The following EIF2S3B variants were observed in gnomAD, a reference collection of about 807,000 sequenced individuals.
EIF2S3B encodes the protein eukaryotic translation initiation factor 2 subunit 3B.
Under a neutral mutation model 26.4 loss-of-function variants are expected in EIF2S3B, and 16 were observed. The ratio of observed to expected loss-of-function variants is 0.61; its 90% CI spans 0.41 to 0.92. The LOEUF (loss-of-function observed/expected upper bound fraction) is 0.92. Ranked by LOEUF, EIF2S3B falls within the 40% of genes least tolerant of loss-of-function variation. The pLI, the probability that EIF2S3B is intolerant of heterozygous loss-of-function variation, is 0.00. For missense variants in EIF2S3B, 510 were observed against 575.5 expected (o/e 0.89, Z 1.16); for synonymous variants, 183 against 204.4 (o/e 0.90, Z 0.89).
At chr12:10,522,545 G>T in intron 1 of EIF2S3B, 2 of 624,044 alleles carry the variant, frequency 3.2e-6, no homozygotes, top group South Asian at 1.9e-5. Flanking sequence ...AAATAGATTT[G>T]AGTTATTGCA....
At chr12:10,517,681 T>C (rs1226769104) in intron 1 of EIF2S3B, among the ~76,000 whole-genome samples, 1 of 152,096 alleles carries the variant, frequency 6.6e-6, no homozygotes, top group East Asian at 1.9e-4. Context: ...CTTGCTTTTC[T>C]AGTTCTTTTA....
Position 10,507,206 on chromosome 12 carries a change from C to T in EIF2S3B, c.1304C>T (p.Thr435Ile). ...GKIVLTNPVC[T>I]EVGEKIALSR... ...ATTGTTTTGACCAATCCAGTGTGCA[C>T]AGAGGTAGGAGAAAAAATTGCCCTT... The change falls in exon 1 of 1, where the codon ACA becomes ATA. Residue 435 changes from threonine to isoleucine, a missense_variant. Thr to Ile is a moderately conservative substitution (Grantham distance 89). Transcript: ENST00000538173. 1.2e-6 allele frequency: 2 copies of T among 1,613,868 alleles called. No individual in the cohort carries two copies. Among genetic ancestry groups the T allele is most frequent in the African/African-American group, 1.3e-5 (1 of 75,010 alleles).
chr12:10,520,505 TATAATA>T (rs146640802), intron 1 of EIF2S3B, among the ~76,000 whole-genome samples: 4 of 151,562 alleles, frequency 2.6e-5, no homozygotes, highest in African/African-American at 9.7e-5. Flanking sequence ...AAACTTAAAG[TATAATA>T]ATAATAAAAT....
chr12:10,506,563 A>C lies in EIF2S3B; in HGVS notation c.661A>C (p.Ile221Leu). The C allele has an allele frequency of 6.3e-7, 1 of 1,594,620 alleles. No individual in the cohort carries two copies. Among genetic ancestry groups the C allele is most frequent in the Non-Finnish European group, 8.6e-7 (1 of 1,162,214 alleles). Reference sequence around the variant, plus strand: ...AGGTACAGTAGCAGAGGGAGCTCCCATTATTCCAATTTCGGCTCAGCTGAA... The same window carrying C: ...AGGTACAGTAGCAGAGGGAGCTCCCCTTATTCCAATTTCGGCTCAGCTGAA... ...VQGTVAEGAP[I>L]IPISAQLKYN... Residue 221 changes from isoleucine to leucine, a missense_variant, in exon 1 of 1, where the codon ATT becomes CTT. Physicochemically the swap from Ile to Leu is conservative, Grantham distance 5 (BLOSUM62 2). Transcript: ENST00000538173.
chr12:10,506,100 C>T lies in EIF2S3B; in HGVS notation c.198C>T (p.Thr66=), dbSNP rs767928717. 98 of 1,593,272 alleles carry T rather than the reference C, an allele frequency of 6.2e-5. No individual in the cohort carries two copies. Among genetic ancestry groups the T allele is most frequent in the Admixed American group, 5.7e-4 (34 of 59,956 alleles). Residue 66 remains threonine (T), a synonymous_variant, in exon 1 of 1, where the codon ACC becomes ACT. Coordinates refer to ENST00000538173, the MANE Select transcript of EIF2S3B (RefSeq NM_001357734.3). ...TVVKAISGVH[T]VRFKNELERN... The stretch of plus-strand genomic sequence containing the variant: ...TCAAAGCTATTTCTGGAGTTCACAC[C>T]GTCAGGTTCAAAAATGAACTAGAAA...
chr12:10,519,641 A>G (rs2137956219), intron 1 of EIF2S3B, among the ~76,000 whole-genome samples: 1 of 152,330 alleles, frequency 6.6e-6, no homozygotes, highest in South Asian at 2.1e-4. Flanking sequence ...AGAATCTACA[A>G]TGAACTCAAA....
At chr12:10,512,713 T>A (rs1012762331), downstream of EIF2S3B, among the ~76,000 whole-genome samples, 1 of 152,056 alleles carries the variant, frequency 6.6e-6, no homozygotes, top group Non-Finnish European at 1.5e-5. Flanking sequence ...CACCCCCTGT[T>A]ATGTCCTAAA....
intron 1 of EIF2S3B, among the ~76,000 whole-genome samples, chr12:10,520,262 A>G (rs1397392150): frequency 6.6e-6 from 1 of 151,312 alleles, no homozygotes; most frequent in Non-Finnish European, 1.5e-5. Flanking sequence ...TCACAAGGAC[A>G]AAAAACCAAA....
rs937399016 is a variant in EIF2S3B at position 10,522,717 on chromosome 12, G to A, written c.*22G>A. 7.3e-6 allele frequency: 5 copies of A among 681,690 alleles called. No homozygotes were observed. The Admixed American group carries it at 8.5e-5, about 12-fold the overall frequency. 42.2% of individuals were successfully genotyped at this position (681,690 alleles called of 1,614,324 possible). ...CTAGGAAATCATTTCTTTCTTTAAA[G>A]AAAAAAGACAAAAGAAAACATGATC... is the stretch of plus-strand genomic sequence containing the variant. On this transcript the variant is annotated 3_prime_UTR_variant, in exon 2 of 2. Transcript: ENST00000322446.
intron 1 of EIF2S3B, among the ~76,000 whole-genome samples, chr12:10,515,430 A>G (rs1864745219): frequency 6.6e-6 from 1 of 152,086 alleles, no homozygotes; most frequent in Non-Finnish European, 1.5e-5. Context: ...TGTTTGTTGA[A>G]TGAATGAACC....
Position 10,518,193 on chromosome 12 carries a change from C to A in EIF2S3B, c.1309-4410C>A, listed in dbSNP as rs142770760. 1.6e-3 allele frequency among the ~76,000 whole-genome samples: 249 copies of A among 152,236 alleles called. 1 individual carries two copies. Among genetic ancestry groups the A allele is most frequent in the South Asian group, 2.5e-3 (12 of 4,826 alleles). ...TTAACTTTCTGTCTCATTGATCTGT[C>A]TAATGTTGACAGTGGGGTGTTAAGG... On this transcript the variant is annotated intron_variant, in intron 1 of 1. Coordinates refer to the EIF2S3B transcript ENST00000322446.
chr12:10,518,340 T>C (rs950853203), intron 1 of EIF2S3B, among the ~76,000 whole-genome samples: 26 of 152,206 alleles, frequency 1.7e-4, no homozygotes, highest in African/African-American at 6.0e-4. Context: ...TCTTGATCCC[T>C]TTACCATTAG....
downstream of EIF2S3B, among the ~76,000 whole-genome samples, chr12:10,511,704 T>C (rs1864705810): frequency 6.6e-6 from 1 of 152,180 alleles, no homozygotes; most frequent in African/African-American, 2.4e-5. Flanking sequence ...TGATTAATAT[T>C]TGCATTTAAA....
At chr12:10,515,530 T>TA (rs1864746242) in intron 1 of EIF2S3B, among the ~76,000 whole-genome samples, 1 of 152,018 alleles carries the variant, frequency 6.6e-6, no homozygotes, top group Non-Finnish European at 1.5e-5. Context: ...TCAAAACTGG[T>TA]ATATTTCAGT....
chr12:10,520,876 C>A (rs1017489814), intron 1 of EIF2S3B, among the ~76,000 whole-genome samples: 4 of 152,102 alleles, frequency 2.6e-5, no homozygotes, highest in Non-Finnish European at 5.9e-5. Flanking sequence ...AATAAAGTAA[C>A]CATTTGTCAG....
At chr12:10,510,842 CT>C (rs1864697541), downstream of EIF2S3B, among the ~76,000 whole-genome samples, 1 of 152,094 alleles carries the variant, frequency 6.6e-6, no homozygotes, top group Non-Finnish European at 1.5e-5. Context: ...AGGAAGAAAT[CT>C]ACCAAAGTGA....
chr12:10,520,686 A>G (rs768870138), intron 1 of EIF2S3B, among the ~76,000 whole-genome samples: 1 of 152,126 alleles, frequency 6.6e-6, no homozygotes, highest in African/African-American at 2.4e-5. Context: ...TCATTTTGAA[A>G]AGGGGAATTT....
intron 1 of EIF2S3B, among the ~76,000 whole-genome samples, chr12:10,519,069 G>A (rs1288447276): frequency 6.7e-6 from 1 of 150,180 alleles, no homozygotes; most frequent in Non-Finnish European, 1.5e-5. Context: ...TAAGCCAAAA[G>A]AACAAAGCTG....
At chr12:10,518,601 T>C (rs1479859835) in intron 1 of EIF2S3B, among the ~76,000 whole-genome samples, 1 of 152,152 alleles carries the variant, frequency 6.6e-6, no homozygotes, top group African/African-American at 2.4e-5. Flanking sequence ...CCCATTTACA[T>C]TTAAAGTTAA....
Sources: allele counts gnomAD v4.1 joint callset (sites outside exome capture counted in the v4.1 genomes callset), GRCh38; gene constraint gnomAD v4.1.1; transcripts MANE v1.5; gene names NCBI Gene and HGNC (gene_info 2026-07-23, HGNC 2026-07-21).